The following AATF variants were observed in gnomAD, a reference collection of about 807,000 sequenced individuals.
AATF encodes the protein protein AATF.
AATF carries 48 observed loss-of-function variants against 63.7 expected under a neutral mutation model. That is an observed-to-expected ratio of 0.75 (90% CI 0.60 to 0.96). The LOEUF is 0.96. AATF is among the 40% of genes least tolerant of loss of function. The pLI is 0.00. For missense variants in AATF, 639 were observed against 685.7 expected (o/e 0.93, Z 0.76); for synonymous variants, 258 against 247.7 (o/e 1.04, Z -0.39).
At chr17:36,975,986 T>C (rs1158090195) in intron 4 of AATF, among the ~76,000 whole-genome samples, 5 of 152,244 alleles carry the variant, frequency 3.3e-5, no homozygotes, top group Non-Finnish European at 7.3e-5. Context: ...TGCTTTATCT[T>C]GCCTTACTGG....
chr17:37,012,007 T>C (rs1218302132), intron 8 of AATF, among the ~76,000 whole-genome samples: 1 of 152,168 alleles, frequency 6.6e-6, no homozygotes, highest in East Asian at 1.9e-4. Flanking sequence ...ATTTATTTTT[T>C]GTATGCCTCA....
At chr17:36,993,873 G>A (rs1425101187) in intron 8 of AATF, among the ~76,000 whole-genome samples, 1 of 152,088 alleles carries the variant, frequency 6.6e-6, no homozygotes, top group Non-Finnish European at 1.5e-5. Flanking sequence ...TGAGAATGAT[G>A]TGTGGGCTCA....
At chr17:37,023,811 G>A (rs1472166750) in intron 10 of AATF, among the ~76,000 whole-genome samples, 1 of 151,948 alleles carries the variant, frequency 6.6e-6, no homozygotes, top group Non-Finnish European at 1.5e-5. Context: ...GCTATCTGTG[G>A]AGGATTGGTT....
At chr17:37,003,366 A>G (rs946728411) in intron 8 of AATF, among the ~76,000 whole-genome samples, 1 of 152,184 alleles carries the variant, frequency 6.6e-6, no homozygotes, top group African/African-American at 2.4e-5. Flanking sequence ...TAGAAAAAAA[A>G]CAGGAGTAAA....
chr17:37,004,199 C>T (rs1430767282), intron 8 of AATF, among the ~76,000 whole-genome samples: 1 of 151,972 alleles, frequency 6.6e-6, no homozygotes, highest in Non-Finnish European at 1.5e-5. Flanking sequence ...GGCGTGGTGG[C>T]GGACGCCTGT....
At chr17:36,975,108 C>G (rs572425566) in intron 4 of AATF, among the ~76,000 whole-genome samples, 3 of 152,236 alleles carry the variant, frequency 2.0e-5, no homozygotes, top group African/African-American at 4.8e-5. Context: ...TTTTCCCACT[C>G]GTAAAAGTGT....
In AATF at chr17:37,048,938, G is replaced by A. The variant is rs545325295; in HGVS notation, c.1620-7663G>A. On this transcript the variant is annotated intron_variant, in intron 11 of 11. Transcript: ENST00000619387. ...TGCCATTTAGTCCCTCGTGTTGGTT[G>A]GGAGCAACTGTAATGCATGCACACA... Among the ~76,000 whole-genome samples, 20 of 152,322 alleles carry A rather than the reference G, an allele frequency of 1.3e-4. No homozygotes were observed. The East Asian group carries it at 3.9e-3, about 29-fold the overall frequency.
chr17:37,041,801 G>A (rs1021696228), intron 11 of AATF, among the ~76,000 whole-genome samples: 1 of 152,146 alleles, frequency 6.6e-6, no homozygotes, highest in Non-Finnish European at 1.5e-5. Context: ...CACCACACCC[G>A]GCCGGGAGAG....
At chr17:36,982,966 G>C (rs2071138688) in intron 4 of AATF, among the ~76,000 whole-genome samples, 2 of 152,026 alleles carry the variant, frequency 1.3e-5, no homozygotes, top group Middle Eastern at 3.4e-3. Context: ...TTTGCAACTG[G>C]CTTATTTCAC....
intron 4 of AATF, among the ~76,000 whole-genome samples, chr17:36,975,419 T>A (rs1428551415): frequency 6.6e-6 from 1 of 152,220 alleles, no homozygotes; most frequent in Non-Finnish European, 1.5e-5. Context: ...TTCCTAATAC[T>A]GTATGCGTAC....
chr17:37,046,091 TGTG>T (rs899773328), intron 11 of AATF: 6 of 151,706 alleles, frequency 4.0e-5, no homozygotes, highest in African/African-American at 1.5e-4. Context: ...CATCAGAAAA[TGTG>T]GTATCGATAT....
chr17:37,020,751 G>T (rs1175336459), intron 9 of AATF, among the ~76,000 whole-genome samples, 183 bp from the exon 10 acceptor site: 1 of 152,170 alleles, frequency 6.6e-6, no homozygotes, highest in Admixed American at 6.5e-5. Flanking sequence ...GCTGCCGTTT[G>T]TTTTTTTACC....
intron 8 of AATF, among the ~76,000 whole-genome samples, chr17:36,997,589 G>A (rs952809823): frequency 1.3e-5 from 2 of 152,190 alleles, no homozygotes; most frequent in African/African-American, 4.8e-5. Context: ...TGCTGGTGTG[G>A]ATGTAGTGAA....
At chr17:36,952,441 T>C (rs1567962309) in intron 2 of AATF, among the ~76,000 whole-genome samples, 2 of 152,248 alleles carry the variant, frequency 1.3e-5, no homozygotes, top group Non-Finnish European at 2.9e-5. Flanking sequence ...ATGTGATAGA[T>C]TGTACATTTT....
chr17:36,993,647 G>T (rs1351641922), intron 8 of AATF, among the ~76,000 whole-genome samples: 1 of 152,130 alleles, frequency 6.6e-6, no homozygotes, highest in Non-Finnish European at 1.5e-5. Context: ...GTTTTCATTT[G>T]TGTGGTTTTT....
chr17:36,986,705 A>G lies in AATF; in HGVS notation c.921A>G (p.Val307=), dbSNP rs879909609. The G allele has an allele frequency of 1.9e-6, 3 of 1,614,062 alleles. No individual in the cohort carries two copies. Among genetic ancestry groups the G allele is most frequent in the Non-Finnish European group, 2.5e-6 (3 of 1,179,872 alleles). The change falls in exon 5 of 12, where the codon GTA becomes GTG. Residue 307 remains valine (V), a synonymous_variant. Coordinates refer to ENST00000619387, the MANE Select transcript of AATF (RefSeq NM_012138.4). ...LFQYPDTRYL[V]DGTKPNAGSE... is the part of the protein sequence containing the mutation. ...AGTACCCAGACACTAGATATCTAGTAGATGGGACAAAGCCCAATGCGGGAA... is the reference window on the plus strand; with the variant it reads ...AGTACCCAGACACTAGATATCTAGTGGATGGGACAAAGCCCAATGCGGGAA...
intron 11 of AATF, chr17:37,054,461 A>G (rs1447481619): frequency 6.6e-6 from 1 of 152,200 alleles, no homozygotes; most frequent in Non-Finnish European, 1.5e-5. Flanking sequence ...ATAATCCCCT[A>G]TTGATATTCT....
intron 8 of AATF, among the ~76,000 whole-genome samples, chr17:37,000,252 G>C (rs1023250800): frequency 1.1e-4 from 16 of 152,118 alleles, no homozygotes; most frequent in Non-Finnish European, 1.5e-5. Flanking sequence ...AGGTTGAGCT[G>C]ACACAGGATT....
At position 36,989,539 on chromosome 17, in the gene AATF, C is replaced by T. The variant is rs540176955; in HGVS notation, c.1314+128C>T. 36 of 965,970 alleles carry T rather than the reference C, an allele frequency of 3.7e-5. No homozygotes were observed. In the Middle Eastern group the frequency reaches 1.1e-3, roughly 28 times the overall value. 59.8% of individuals were successfully genotyped at this position (965,970 alleles called of 1,614,324 possible). On this transcript the variant is annotated intron_variant, in intron 7 of 11. Transcript: ENST00000619387. ...GAGAAAGGAAAGCAACACTACTTTA[C>T]TGGATTACTGAGAGAAACTTGAGTG...
Sources: allele counts gnomAD v4.1 joint callset (sites outside exome capture counted in the v4.1 genomes callset), GRCh38; gene constraint gnomAD v4.1.1; transcripts MANE v1.5; gene names NCBI Gene and HGNC (gene_info 2026-07-23, HGNC 2026-07-21).